Variants in IL1RAPL2 observed in about 807,000 individuals in gnomAD.
The protein encoded by IL1RAPL2 is interleukin 1 receptor accessory protein like 2.
Under a neutral mutation model 44.1 loss-of-function variants are expected in IL1RAPL2, and 3 were observed. The ratio of observed to expected loss-of-function variants is 0.07; its 90% CI spans 0.03 to 0.18. The LOEUF (loss-of-function observed/expected upper bound fraction) is 0.18, where lower values mean the gene tolerates loss of function less well. Among genes scored for constraint, IL1RAPL2 ranks in the 10% least tolerant of loss-of-function variants. The pLI, the probability that IL1RAPL2 is intolerant of heterozygous loss-of-function variation, is 1.00. For missense variants in IL1RAPL2, 391 were observed against 496.4 expected (o/e 0.79, Z 2.02); for synonymous variants, 181 against 178.8 (o/e 1.01, Z -0.10).
At chrX:104,630,130 C>G (rs1204862401) in intron 1 of IL1RAPL2, among the ~76,000 whole-genome samples, 1 of 98,917 alleles carries the variant, frequency 1.0e-5, no homozygotes, top group African/African-American at 3.8e-5. Context: ...ATTACAGGTG[C>G]ATGCCACCAC....
At chrX:105,106,813 T>C (rs2032748754) in intron 2 of IL1RAPL2, among the ~76,000 whole-genome samples, 1 of 112,033 alleles carries the variant, frequency 8.9e-6, no homozygotes, top group African/African-American at 3.2e-5. Flanking sequence ...AATAATAGTT[T>C]TTATTACATG....
At chrX:105,088,295 C>A (rs2032502492) in intron 2 of IL1RAPL2, among the ~76,000 whole-genome samples, 1 of 111,613 alleles carries the variant, frequency 9.0e-6, no homozygotes, top group Non-Finnish European at 1.9e-5. Context: ...TGAAAGATAT[C>A]ATTCATTTGT....
intron 6 of IL1RAPL2, among the ~76,000 whole-genome samples, chrX:105,695,887 C>T (rs780734208): frequency 1.9e-4 from 21 of 112,227 alleles, no homozygotes; most frequent in African/African-American, 6.8e-4. Flanking sequence ...ATGCCATGTT[C>T]TTAGTCAATT....
chrX:104,869,885 C>T (rs1309745799), intron 2 of IL1RAPL2, among the ~76,000 whole-genome samples: 1 of 111,908 alleles, frequency 8.9e-6, no homozygotes, highest in Non-Finnish European at 1.9e-5. Context: ...ACCACCACCA[C>T]GCTGGTGCAC....
chrX:105,551,288 A>C (rs2036852167), intron 6 of IL1RAPL2, among the ~76,000 whole-genome samples: 1 of 84,700 alleles, frequency 1.2e-5, no homozygotes, highest in African/African-American at 4.4e-5. Context: ...GCACTTTACC[A>C]AAAAAAAAAA....
At chrX:104,595,192 G>T (rs915857950) in intron 1 of IL1RAPL2, among the ~76,000 whole-genome samples, 1 of 111,096 alleles carries the variant, frequency 9.0e-6, no homozygotes, top group African/African-American at 3.3e-5. Flanking sequence ...GAGAGATGAA[G>T]AGAAATGTCA....
intron 1 of IL1RAPL2, among the ~76,000 whole-genome samples, chrX:104,583,165 G>T (rs750814194): frequency 9.1e-6 from 1 of 110,324 alleles, no homozygotes; most frequent in Non-Finnish European, 1.9e-5. Context: ...TGGGATTATT[G>T]GTGTGAGCCA....
At chrX:105,668,158 A>G (rs976339480) in intron 6 of IL1RAPL2, among the ~76,000 whole-genome samples, 3 of 111,655 alleles carry the variant, frequency 2.7e-5, no homozygotes, top group Middle Eastern at 4.7e-3. Context: ...CCTTTTGACA[A>G]TTGCCATAGT....
chrX:105,363,307 TAATA>T lies in IL1RAPL2; in HGVS notation c.697+95767_697+95770del, dbSNP rs1313901908. Among the ~76,000 whole-genome samples, 332 of 71,920 alleles carry T rather than the reference TAATA, an allele frequency of 4.6e-3. 1 individual carries two copies. The highest frequency in any genetic ancestry group is 5.2e-3 in the Non-Finnish European group (240 of 45,884). The allele number at this position is 71,920 out of a possible 115,157, so 62.5% of individuals were successfully genotyped here. On this transcript the variant is annotated intron_variant, in intron 5 of 10. Transcript: ENST00000372582. ...TATATATAATATATATATATATATA[TAATA>T]TATATATATATATATATATTCTTCA...
chrX:105,559,834 G>A (rs907942363), intron 6 of IL1RAPL2, among the ~76,000 whole-genome samples: 3 of 111,787 alleles, frequency 2.7e-5, no homozygotes, highest in Admixed American at 1.9e-4. Flanking sequence ...TGGGGAGGAT[G>A]CCATTCTGCC....
intron 5 of IL1RAPL2, among the ~76,000 whole-genome samples, chrX:105,317,104 T>G (rs920490009): frequency 6.3e-5 from 7 of 111,904 alleles, no homozygotes; most frequent in Non-Finnish European, 3.8e-5. Flanking sequence ...AAAGTAGAAC[T>G]AGGCTGTATG....
rs111905364 is a variant in IL1RAPL2 at position 105,716,156 on chromosome X, G to GA, written c.773-1202dup. ...TGATGTTGCTTCCCTTGACACAATG[G>GA]AAAAAAAAACTGCATACCAAGAAGT... is the stretch of plus-strand genomic sequence containing the variant. On this transcript the variant is annotated intron_variant, in intron 6 of 10. Coordinates refer to ENST00000372582, the MANE Select transcript of IL1RAPL2 (RefSeq NM_017416.2). 8.3e-5 allele frequency among the ~76,000 whole-genome samples: 9 copies of GA among 108,143 alleles called. No homozygotes were observed. In the South Asian group the frequency reaches 1.6e-3, roughly 19 times the overall value. The allele number at this position is 108,143 out of a possible 115,157, so 93.9% of individuals were successfully genotyped here. A position where few individuals can be genotyped will look rare whatever the true frequency, so the allele number is the denominator to read the frequency against.
intron 2 of IL1RAPL2, among the ~76,000 whole-genome samples, chrX:105,114,643 G>A (rs1377517273): frequency 1.8e-5 from 2 of 111,757 alleles, no homozygotes; most frequent in East Asian, 2.8e-4. Context: ...GCCCTACAAC[G>A]GGAAATCCTT....
chrX:105,031,934 T>A (rs2031507553), intron 2 of IL1RAPL2, among the ~76,000 whole-genome samples: 1 of 111,860 alleles, frequency 8.9e-6, no homozygotes, highest in South Asian at 3.7e-4. Flanking sequence ...GAGATTCAAC[T>A]TCTTCCTGGT....
At chrX:105,737,919 C>T (rs1428760481) in intron 7 of IL1RAPL2, among the ~76,000 whole-genome samples, 1 of 111,763 alleles carries the variant, frequency 8.9e-6, no homozygotes, top group Non-Finnish European at 1.9e-5. Context: ...AAAATAAAAA[C>T]AATTTATAGA....
chrX:105,323,881 C>CAT (rs1450189125), intron 5 of IL1RAPL2, among the ~76,000 whole-genome samples: 1 of 108,305 alleles, frequency 9.2e-6, no homozygotes, highest in African/African-American at 3.4e-5. Context: ...GTCACACACA[C>CAT]ACACACACAC....
intron 2 of IL1RAPL2, among the ~76,000 whole-genome samples, chrX:104,925,512 T>C (rs1235793337): frequency 8.9e-6 from 1 of 111,815 alleles, no homozygotes; most frequent in East Asian, 2.8e-4. Flanking sequence ...CACGATCAAC[T>C]AGGCTTTATC....
At chrX:105,499,404 T>G (rs1445762106) in intron 6 of IL1RAPL2, among the ~76,000 whole-genome samples, 1 of 110,257 alleles carries the variant, frequency 9.1e-6, no homozygotes, top group African/African-American at 3.3e-5. Context: ...TACAGAAAAC[T>G]GAAACGCTTC....
chrX:105,324,091 A>T, intron 5 of IL1RAPL2, among the ~76,000 whole-genome samples: 1 of 111,720 alleles, frequency 9.0e-6, no homozygotes, highest in Middle Eastern at 4.6e-3. Context: ...AGTTAGGAGA[A>T]TGCCAAATGA....
Sources: gnomAD v4.1 joint callset for allele counts (sites outside exome capture counted in the v4.1 genomes callset) on GRCh38, gnomAD v4.1.1 for gene constraint, MANE v1.5 for transcripts, NCBI Gene and HGNC (gene_info 2026-07-23, HGNC 2026-07-21) for gene names.